MFSD8: variants seen among roughly 807,000 people sequenced by gnomAD.
MFSD8 encodes the protein major facilitator superfamily domain-containing protein 8.
Under a neutral mutation model 66.4 loss-of-function variants are expected in MFSD8, and 55 were observed. The ratio of observed to expected loss-of-function variants is 0.83; its 90% confidence interval spans 0.67 to 1.04. The LOEUF is 1.04. MFSD8 is among the 50% of genes least tolerant of loss of function. The probability of loss-of-function intolerance (pLI) is 0.00; values close to 1 mark genes in which losing one functional copy is unlikely to be tolerated. For missense variants in MFSD8, 550 were observed against 627.6 expected, an observed-to-expected ratio of 0.88 and a Z score of 1.32; for synonymous variants, 202 against 212.8, an observed-to-expected ratio of 0.95 and a Z score of 0.44.
intron 2 of MFSD8, among the ~76,000 whole-genome samples, chr4:127,953,478 T>C (rs1270987130): frequency 7.0e-6 from 1 of 143,308 alleles, no homozygotes; most frequent in Non-Finnish European, 1.5e-5. Flanking sequence ...AAAAAAAGAA[T>C]AAATTACGTT....
At chr4:127,921,310 C>A in intron 11 of MFSD8, 1 of 762,026 alleles carries the variant, frequency 1.3e-6, no homozygotes. Flanking sequence ...TACCACAATG[C>A]CACTCCTACA....
At chr4:127,940,538 ATG>A (rs1553949829) in intron 5 of MFSD8, among the ~76,000 whole-genome samples, 101 of 140,684 alleles carry the variant, frequency 7.2e-4, no homozygotes, top group African/African-American at 2.5e-3. Context: ...ATATATATAT[ATG>A]TGTGTGTGTG....
In MFSD8 at chr4:127,921,857, T is replaced by C; in HGVS notation, c.1102+3A>G. On this transcript the variant is annotated splice_donor_region_variant and intron_variant, in intron 10 of 11. Coordinates refer to ENST00000641686, the MANE Select transcript of MFSD8 (RefSeq NM_001371596.2). The stretch of plus-strand genomic sequence containing the variant: ...AACATTATAGAATTATGTATGGCTA[T>C]ACCTTCCCACTGTATTTTGGGAAAT... The C allele has an allele frequency of 2.5e-6, 4 of 1,613,974 alleles. No homozygotes were observed. Among genetic ancestry groups the C allele is most frequent in the Non-Finnish European group, 3.4e-6 (4 of 1,179,856 alleles).
Position 127,920,767 on chromosome 4 carries a change from G to C in MFSD8, c.1420C>G (p.Gln474Glu), listed in dbSNP as rs370663969. The change falls in exon 12 of 12, where the codon CAA becomes GAA. Residue 474 changes from glutamine (Q) to glutamate (E), a missense_variant. By Grantham distance (29) the Gln-to-Glu change is conservative. Coordinates refer to ENST00000641686, the MANE Select transcript of MFSD8 (RefSeq NM_001371596.2). ...CGTGGTCCCCAGTGAGCATACACTT[G>C]GCTGATGAACATAGGCCCAAGAATC... ...ARILGPMFIS[Q>E]VYAHWGPRWA... The C allele has an allele frequency of 2.5e-6, 4 of 1,613,912 alleles. No individual in the cohort carries two copies. In the African/African-American group the frequency reaches 4.0e-5, roughly 16 times the overall value.
chr4:127,963,987 C>A (rs1744391351), intron 1 of MFSD8, among the ~76,000 whole-genome samples: 1 of 152,178 alleles, frequency 6.6e-6, no homozygotes, highest in Non-Finnish European at 1.5e-5. Flanking sequence ...CAAGGCCCCA[C>A]CAGAGTAGCT....
intron 7 of MFSD8, among the ~76,000 whole-genome samples, chr4:127,934,849 G>A (rs990192276): frequency 8.2e-5 from 12 of 147,028 alleles, no homozygotes; most frequent in Non-Finnish European, 1.6e-4. Context: ...GAGCCACCAC[G>A]CCCAGCCTAT....
intron 10 of MFSD8, 27 bp from the exon 11 acceptor site, chr4:127,921,798 A>C: frequency 6.2e-7 from 1 of 1,613,874 alleles, no homozygotes; most frequent in South Asian, 1.1e-5. Context: ...ATTGCAGTGC[A>C]TTACTTGTTG....
chr4:127,938,912 T>A (rs555623978), intron 6 of MFSD8, 74 bp from the exon 7 acceptor site: 2 of 1,201,632 alleles, frequency 1.7e-6, no homozygotes, highest in Admixed American at 1.9e-5. Context: ...ATTATCGGCA[T>A]TGTATTTTTT....
chr4:127,929,007 T>C (rs1737664065), intron 9 of MFSD8, among the ~76,000 whole-genome samples: 1 of 152,098 alleles, frequency 6.6e-6, no homozygotes, highest in South Asian at 2.1e-4. Flanking sequence ...TCACATGTTC[T>C]CACTCATGTG....
chr4:127,953,443 G>A (rs1392250833), intron 2 of MFSD8, among the ~76,000 whole-genome samples: 2 of 147,816 alleles, frequency 1.4e-5, no homozygotes, highest in South Asian at 4.2e-4. Flanking sequence ...AGCCAAGATC[G>A]TGCCACTGCA....
chr4:127,960,594 T>C (rs1365582034), intron 1 of MFSD8, among the ~76,000 whole-genome samples: 1 of 152,080 alleles, frequency 6.6e-6, no homozygotes, highest in Non-Finnish European at 1.5e-5. Flanking sequence ...AACAGTGTAG[T>C]GGTATAACAG....
At chr4:127,928,498 G>A (rs942115184) in intron 9 of MFSD8, among the ~76,000 whole-genome samples, 1 of 152,048 alleles carries the variant, frequency 6.6e-6, no homozygotes, top group South Asian at 2.1e-4. Flanking sequence ...AAAAATGTTC[G>A]ACATCACTAA....
intron 5 of MFSD8, among the ~76,000 whole-genome samples, chr4:127,941,532 A>C (rs773206018): frequency 6.6e-6 from 1 of 152,066 alleles, no homozygotes; most frequent in Non-Finnish European, 1.5e-5. Flanking sequence ...ATGTGATCTC[A>C]GCTCACTGCA....
intron 1 of MFSD8, among the ~76,000 whole-genome samples, chr4:127,963,929 C>T (rs932682230): frequency 1.3e-5 from 2 of 152,134 alleles, no homozygotes; most frequent in African/African-American, 2.4e-5. Context: ...AGGTTCTCCA[C>T]GTCCCCACTA....
At chr4:127,932,887 T>A (rs1482646386) in intron 8 of MFSD8, 98 bp downstream of exon 8, 4 of 1,128,436 alleles carry the variant, frequency 3.5e-6, no homozygotes, top group Non-Finnish European at 5.1e-6. Context: ...TTGCCTTACA[T>A]AAGATTTTCA....
chr4:127,961,947 T>C (rs960701458), intron 1 of MFSD8, among the ~76,000 whole-genome samples: 5 of 152,028 alleles, frequency 3.3e-5, no homozygotes, highest in African/African-American at 1.2e-4. Flanking sequence ...AACTACCAGG[T>C]TGTAATGACA....
rs1261295844 is a variant in MFSD8 at position 127,965,128 on chromosome 4, G to A, written c.6C>T (p.Ala2=). ...CCTGTTCACTTTCGTTCCGCAGGCC[G>A]GCCATAGTTACACTCCCTACAAGGC... M[A]GLRNESEQEP... is the part of the protein sequence containing the mutation. The change falls in exon 1 of 12, where the codon GCC becomes GCT. Residue 2 remains alanine (A), a synonymous_variant. Transcript: ENST00000641686. 4 of 1,613,858 alleles carry A rather than the reference G, an allele frequency of 2.5e-6. No homozygotes were observed. Among genetic ancestry groups the A allele is most frequent in the Non-Finnish European group, 3.4e-6 (4 of 1,180,036 alleles).
At chr4:127,951,638 CTTTG>C (rs908704311) in intron 2 of MFSD8, among the ~76,000 whole-genome samples, 2 of 151,954 alleles carry the variant, frequency 1.3e-5, no homozygotes, top group East Asian at 1.9e-4. Flanking sequence ...CACTAATGTA[CTTTG>C]TTTGTACTCT....
At chr4:127,926,680 T>C (rs1180243658) in intron 9 of MFSD8, among the ~76,000 whole-genome samples, 5 of 152,214 alleles carry the variant, frequency 3.3e-5, no homozygotes, top group Non-Finnish European at 7.3e-5. Context: ...ATCCCTCTAC[T>C]TGGCTCCATA....
Sources: allele counts gnomAD v4.1 joint callset (sites outside exome capture counted in the v4.1 genomes callset), GRCh38; gene constraint gnomAD v4.1.1; transcripts MANE v1.5; gene names NCBI Gene and HGNC (gene_info 2026-07-23, HGNC 2026-07-21).